The following SIMC1 variants were observed in gnomAD, a reference collection of about 807,000 sequenced individuals.
The protein encoded by SIMC1 is SUMO-interacting motif-containing protein 1.
In SIMC1, 55 loss-of-function variants were observed where a neutral mutation model predicts 82.3. That is an observed-to-expected ratio of 0.67 (90% CI 0.54 to 0.84). SIMC1 has a LOEUF of 0.84. SIMC1 is among the 40% of genes least tolerant of loss of function. The probability of loss-of-function intolerance (pLI) is 0.00; values close to 1 mark genes in which losing one functional copy is unlikely to be tolerated. For synonymous variants in SIMC1, 353 were observed against 426.3 expected (o/e 0.83, Z 2.12); for missense variants, 915 against 1,107.2 (o/e 0.83, Z 2.46).
chr5:176,279,853 C>T (rs1277240495), intron 1 of SIMC1, among the ~76,000 whole-genome samples: 2 of 151,884 alleles, frequency 1.3e-5, no homozygotes, highest in African/African-American at 2.4e-5. Flanking sequence ...TTGTTGTAAT[C>T]TCTGTTCTTT....
chr5:176,310,252 C>T (rs781360290), intron 4 of SIMC1, among the ~76,000 whole-genome samples: 2 of 152,170 alleles, frequency 1.3e-5, no homozygotes, highest in African/African-American at 2.4e-5. Flanking sequence ...AATTTCTTAT[C>T]GAGTTAAGCA....
At chr5:176,283,219 T>C (rs1224002900) in intron 1 of SIMC1, among the ~76,000 whole-genome samples, 2 of 152,222 alleles carry the variant, frequency 1.3e-5, no homozygotes, top group Non-Finnish European at 2.9e-5. Flanking sequence ...AGACACATAA[T>C]TGTCAGATTC....
At chr5:176,322,706 C>G (rs1170420044) in intron 6 of SIMC1, 1 of 320,170 alleles carries the variant, frequency 3.1e-6, no homozygotes. Flanking sequence ...CCTTCACTTC[C>G]TGCATTTCAG....
At chr5:176,340,591 C>G (rs1766093581) in intron 9 of SIMC1, among the ~76,000 whole-genome samples, 1 of 152,148 alleles carries the variant, frequency 6.6e-6, no homozygotes, top group Non-Finnish European at 1.5e-5. Context: ...CAGTTCAATT[C>G]ATATATTTAT....
chr5:176,292,668 C>T (rs964137103), intron 2 of SIMC1, among the ~76,000 whole-genome samples: 1 of 152,126 alleles, frequency 6.6e-6, no homozygotes, highest in Non-Finnish European at 1.5e-5. Context: ...CCACAGCCTC[C>T]CGCGTAGCTG....
At chr5:176,252,033 TC>T (rs1561671339) in intron 1 of SIMC1, among the ~76,000 whole-genome samples, 1 of 152,058 alleles carries the variant, frequency 6.6e-6, no homozygotes, top group South Asian at 2.1e-4. Context: ...TCCCCACCTT[TC>T]CCCGCTTTCT....
At chr5:176,288,370 T>C (rs925851872) in intron 1 of SIMC1, among the ~76,000 whole-genome samples, 2 of 151,814 alleles carry the variant, frequency 1.3e-5, no homozygotes, top group Admixed American at 6.6e-5. Context: ...ATTGTACCAC[T>C]GCACTCCAGC....
intron 1 of SIMC1, among the ~76,000 whole-genome samples, chr5:176,255,310 T>G (rs565051510): frequency 1.4e-5 from 2 of 143,276 alleles, no homozygotes; most frequent in Non-Finnish European, 3.1e-5. Context: ...GACCAGGTGC[T>G]GTGGCTCATG....
chr5:176,299,675 A>G (rs1581272734), intron 4 of SIMC1, among the ~76,000 whole-genome samples: 2 of 152,254 alleles, frequency 1.3e-5, no homozygotes, highest in East Asian at 3.9e-4. Context: ...AGACAACACA[A>G]TAATAGTAGG....
chr5:176,257,216 G>C (rs188677124), intron 1 of SIMC1, among the ~76,000 whole-genome samples: 9,035 of 152,166 alleles, frequency 0.059, 392 homozygotes, highest in Non-Finnish European at 0.082. Context: ...GTGTTAGGCT[G>C]TTCTTGCATT....
At chr5:176,258,948 G>C (rs576586855) in intron 1 of SIMC1, among the ~76,000 whole-genome samples, 1 of 151,392 alleles carries the variant, frequency 6.6e-6, no homozygotes, top group African/African-American at 2.4e-5. Flanking sequence ...TTTGTAAAGT[G>C]TTACCTTATT....
intron 7 of SIMC1, among the ~76,000 whole-genome samples, chr5:176,328,294 A>G (rs1371396429): frequency 1.3e-5 from 2 of 152,168 alleles, no homozygotes; most frequent in African/African-American, 2.4e-5. Context: ...AATGATAAAA[A>G]TATACATGAT....
chr5:176,308,772 A>C (rs764505715), intron 4 of SIMC1: 1,443 of 1,314,220 alleles, frequency 1.1e-3, no homozygotes, highest in Non-Finnish European at 1.4e-3. Context: ...AGAGCTGCCC[A>C]AGATCCTGTG....
At chr5:176,334,661 C>T (rs1377741039) in intron 7 of SIMC1, among the ~76,000 whole-genome samples, 1 of 152,168 alleles carries the variant, frequency 6.6e-6, no homozygotes, top group Non-Finnish European at 1.5e-5. Flanking sequence ...TCCTAAACTC[C>T]AGCCTCTGTT....
intron 1 of SIMC1, among the ~76,000 whole-genome samples, chr5:176,273,156 A>T (rs1170967011): frequency 6.6e-6 from 1 of 152,244 alleles, no homozygotes; most frequent in Admixed American, 6.5e-5. Context: ...CTGACCCCTG[A>T]GTAGCCTAAC....
chr5:176,308,303 A>C, intron 4 of SIMC1: 1 of 1,460,948 alleles, frequency 6.8e-7, no homozygotes, highest in Non-Finnish European at 9.6e-7. Context: ...CATCATCTTA[A>C]CGACGTTCTG....
intron 4 of SIMC1, chr5:176,313,074 CAGTT>C (rs1764733173): frequency 5.2e-6 from 1 of 191,330 alleles, no homozygotes; most frequent in Non-Finnish European, 1.1e-5. Flanking sequence ...AACTGTTTGT[CAGTT>C]AGGATCATTT....
At chr5:176,246,296 C>T (rs571378185) in intron 1 of SIMC1, among the ~76,000 whole-genome samples, 25 of 152,240 alleles carry the variant, frequency 1.6e-4, no homozygotes, top group Non-Finnish European at 3.1e-4. Flanking sequence ...AGGCATGAGC[C>T]ACCACGCCTG....
intron 1 of SIMC1, among the ~76,000 whole-genome samples, chr5:176,257,654 A>G (rs1392913155): frequency 6.6e-6 from 1 of 152,192 alleles, no homozygotes; most frequent in African/African-American, 2.4e-5. Flanking sequence ...GGGGATTACA[A>G]TTCAACATAT....
Sources: gnomAD v4.1 joint callset for allele counts (sites outside exome capture counted in the v4.1 genomes callset) on GRCh38, gnomAD v4.1.1 for gene constraint, MANE v1.5 for transcripts, NCBI Gene and HGNC (gene_info 2026-07-23, HGNC 2026-07-21) for gene names.